Variants in GRM7 observed in about 807,000 individuals in gnomAD.
GRM7 encodes glutamate metabotropic receptor 7.
GRM7 carries 35 observed loss-of-function variants against 84.5 expected under a neutral mutation model. That is an observed-to-expected ratio of 0.41 (90% CI 0.32 to 0.55). The LOEUF (loss-of-function observed/expected upper bound fraction) is 0.55, where lower values mean the gene tolerates loss of function less well. Among genes scored for constraint, GRM7 ranks in the 20% least tolerant of loss-of-function variants. GRM7 has a pLI of 0.19. For synonymous variants in GRM7, 487 were observed against 455.1 expected (o/e 1.07, Z -0.89); for missense variants, 1,003 against 1,194.6 (o/e 0.84, Z 2.36).
intron 1 of GRM7, among the ~76,000 whole-genome samples, chr3:6,870,362 G>A (rs972399142): frequency 6.6e-6 from 1 of 152,136 alleles, no homozygotes; most frequent in African/African-American, 2.4e-5. Flanking sequence ...AATGACCAGT[G>A]CCAAAACTCC....
chr3:6,895,521 T>G (rs758967924), intron 1 of GRM7, among the ~76,000 whole-genome samples: 1 of 152,136 alleles, frequency 6.6e-6, no homozygotes, highest in African/African-American at 2.4e-5. Flanking sequence ...ATTTTACAAA[T>G]TAGGAAAGTG....
chr3:7,425,537 C>A (rs1180494969), intron 5 of GRM7, among the ~76,000 whole-genome samples: 3 of 152,068 alleles, frequency 2.0e-5, no homozygotes, highest in African/African-American at 7.2e-5. Flanking sequence ...AGTGTGAAAC[C>A]AAGGTGGTAC....
rs116184873 is a variant in GRM7, at chr3:7,416,715, C to T, written c.1174+1552C>T. Among the ~76,000 whole-genome samples, 624 of 152,204 alleles carry T rather than the reference C, an allele frequency of 4.1e-3. 9 individuals carry two copies. Among genetic ancestry groups the T allele is most frequent in the African/African-American group, 0.014 (598 of 41,534 alleles). ...ATCGGATTCACCACATTCTCCAGATCATGCTATATAACAATAGTTCTGAGA... is the reference window on the plus strand; with the variant it reads ...ATCGGATTCACCACATTCTCCAGATTATGCTATATAACAATAGTTCTGAGA... On this transcript the variant is annotated intron_variant, in intron 5 of 9. Transcript: ENST00000357716.
chr3:7,266,163 T>C (rs1307421768), intron 2 of GRM7, among the ~76,000 whole-genome samples: 1 of 151,856 alleles, frequency 6.6e-6, no homozygotes, highest in African/African-American at 2.4e-5. Flanking sequence ...GGTACAATAA[T>C]ACAGTAGGGG....
chr3:7,580,680 G>A (rs1473044178), intron 8 of GRM7, among the ~76,000 whole-genome samples: 1 of 152,150 alleles, frequency 6.6e-6, no homozygotes, highest in East Asian at 1.9e-4. Flanking sequence ...CAAGGAGAAT[G>A]AATGGTTCCA....
rs113995644 is a variant in GRM7 at position 7,483,766 on chromosome 3, T to C, written c.1515+22044T>C. 4.8e-3 allele frequency among the ~76,000 whole-genome samples: 735 copies of C among 152,138 alleles called. 6 individuals are homozygous for C. Among genetic ancestry groups the C allele is most frequent in the African/African-American group, 0.016 (683 of 41,516 alleles). ...CAGATGAGAGATAGATATAGATAGA[T>C]ATGATTATGTATCTGTATCTATGTA... On this transcript the variant is annotated intron_variant, in intron 7 of 9. Coordinates refer to ENST00000357716, the MANE Select transcript of GRM7 (RefSeq NM_000844.4).
At chr3:7,356,919 A>ATC (rs1243120007) in intron 4 of GRM7, among the ~76,000 whole-genome samples, 41 of 66,228 alleles carry the variant, frequency 6.2e-4, no homozygotes, top group African/African-American at 3.0e-3. Context: ...TGCCTTTTTG[A>ATC]TCACACACAC....
At chr3:7,179,629 C>T (rs1043348989) in intron 2 of GRM7, among the ~76,000 whole-genome samples, 32 of 152,194 alleles carry the variant, frequency 2.1e-4, no homozygotes, top group Admixed American at 1.6e-3. Context: ...TAACAGGAGT[C>T]GGTTGACCTC....
intron 1 of GRM7, among the ~76,000 whole-genome samples, chr3:7,088,285 G>T (rs1698532704): frequency 1.3e-5 from 2 of 152,116 alleles, no homozygotes. Context: ...CCAGAATCAG[G>T]GAAGTAAACG....
chr3:7,065,658 G>T (rs1697627368), intron 1 of GRM7, among the ~76,000 whole-genome samples: 2 of 151,780 alleles, frequency 1.3e-5, no homozygotes, highest in African/African-American at 4.8e-5. Flanking sequence ...GCTTAGTCTT[G>T]CTTTGGCTAT....
intron 9 of GRM7, among the ~76,000 whole-genome samples, chr3:7,691,652 T>A (rs948602334): frequency 2.0e-5 from 3 of 152,124 alleles, no homozygotes; most frequent in Non-Finnish European, 4.4e-5. Context: ...CTGGTTTTTT[T>A]ATTCTGTTTT....
chr3:7,526,688 GA>G (rs544670586), intron 7 of GRM7, among the ~76,000 whole-genome samples: 44 of 151,858 alleles, frequency 2.9e-4, no homozygotes, highest in Non-Finnish European at 5.9e-4. Flanking sequence ...AACTCATCTT[GA>G]GTTAATTTTT....
At position 7,488,804 on chromosome 3, in the gene GRM7, C is replaced by T. The variant is rs576626796; in HGVS notation, c.1515+27082C>T. Among the ~76,000 whole-genome samples the T allele has an allele frequency of 5.7e-4, 87 of 152,160 alleles. 1 individual carries two copies. In the Middle Eastern group the frequency reaches 0.017, roughly 30 times the overall value. On this transcript the variant is annotated intron_variant, in intron 7 of 9. Coordinates refer to ENST00000357716, the MANE Select transcript of GRM7 (RefSeq NM_000844.4). The stretch of plus-strand genomic sequence containing the variant: ...AAAAGTTGGTTGTCTATTTCAGATG[C>T]TCCTCCTCACTATTTTTTGTTCCAC...
intron 2 of GRM7, among the ~76,000 whole-genome samples, chr3:7,167,941 T>G (rs988880936): frequency 1.2e-4 from 14 of 120,476 alleles, no homozygotes; most frequent in Admixed American, 2.4e-4. Context: ...TGCACTCTAG[T>G]CTAGCCTGGG....
intron 7 of GRM7, among the ~76,000 whole-genome samples, chr3:7,498,097 A>G (rs1325774329): frequency 3.9e-5 from 6 of 152,220 alleles, no homozygotes; most frequent in African/African-American, 1.4e-4. Flanking sequence ...CTCTTCAAGT[A>G]TATACAAAAA....
chr3:6,942,143 C>CT (rs139162438), intron 1 of GRM7, among the ~76,000 whole-genome samples: 38,863 of 148,914 alleles, frequency 0.26, 5,071 homozygotes, highest in East Asian at 0.35. Context: ...ATTTTCAGCT[C>CT]TTTTTTTTTT....
chr3:7,608,751 G>A (rs778796551), intron 8 of GRM7, among the ~76,000 whole-genome samples: 6 of 152,052 alleles, frequency 3.9e-5, no homozygotes, highest in African/African-American at 7.2e-5. Flanking sequence ...TGCTTTTGTC[G>A]TGATTGCTTT....
chr3:7,168,632 C>T (rs1171477987), intron 2 of GRM7, among the ~76,000 whole-genome samples: 1 of 152,088 alleles, frequency 6.6e-6, no homozygotes, highest in Non-Finnish European at 1.5e-5. Flanking sequence ...TTTGTTATAG[C>T]AGCCCAAGCA....
rs543946224 is a variant in GRM7, at chr3:7,739,684, CTGAG to C, written c.2699-661_2699-658del. On this transcript the variant is annotated intron_variant, in intron 9 of 9. Coordinates refer to ENST00000357716, the MANE Select transcript of GRM7 (RefSeq NM_000844.4). ...AATACAGTAGATACATATTTACTGC[CTGAG>C]TGAGTGAGTGAAGGTGAGTCCTGAA... 9.2e-5 allele frequency among the ~76,000 whole-genome samples: 14 copies of C among 152,228 alleles called. No homozygotes were observed. The South Asian group carries it at 2.9e-3, about 32-fold the overall frequency.
Sources: gnomAD v4.1 joint callset for allele counts (sites outside exome capture counted in the v4.1 genomes callset) on GRCh38, gnomAD v4.1.1 for gene constraint, MANE v1.5 for transcripts, NCBI Gene and HGNC (gene_info 2026-07-23, HGNC 2026-07-21) for gene names.